The following INPP4B variants were observed in gnomAD, a reference collection of about 807,000 sequenced individuals.
The protein encoded by INPP4B is inositol polyphosphate-4-phosphatase type II B.
INPP4B carries 55 observed loss-of-function variants against 122.5 expected under a neutral mutation model. That is an observed-to-expected ratio of 0.45 (90% CI 0.36 to 0.56). INPP4B has a LOEUF of 0.56. INPP4B is among the 20% of genes least tolerant of loss of function. INPP4B has a pLI of 0.00. For missense variants in INPP4B, 1,000 were observed against 1,097.7 expected, an observed-to-expected ratio of 0.91 and a Z score of 1.26; for synonymous variants, 403 against 388.7, an observed-to-expected ratio of 1.04 and a Z score of -0.43.
intron 1 of INPP4B, among the ~76,000 whole-genome samples, chr4:142,842,527 T>C (rs1483346942): frequency 8.5e-6 from 1 of 117,652 alleles, no homozygotes; most frequent in Non-Finnish European, 1.8e-5. Context: ...ACATATATTA[T>C]ATTATAATAT....
intron 1 of INPP4B, among the ~76,000 whole-genome samples, chr4:142,781,751 C>A (rs1334050763): frequency 6.6e-6 from 1 of 151,914 alleles, no homozygotes; most frequent in Non-Finnish European, 1.5e-5. Flanking sequence ...AAGGTGTGTG[C>A]CACTGATACT....
intron 10 of INPP4B, among the ~76,000 whole-genome samples, chr4:142,263,774 C>A (rs1741435547): frequency 6.7e-6 from 1 of 148,796 alleles, no homozygotes; most frequent in South Asian, 2.1e-4. Flanking sequence ...GATAGGGTTG[C>A]AGGAAAGGCT....
chr4:142,238,287 A>C (rs1857550572), intron 11 of INPP4B, among the ~76,000 whole-genome samples: 1 of 151,998 alleles, frequency 6.6e-6, no homozygotes, highest in South Asian at 2.1e-4. Context: ...ATTATACATC[A>C]AACTCCAAAT....
At chr4:142,278,978 G>T (rs1438135502) in intron 9 of INPP4B, among the ~76,000 whole-genome samples, 2 of 151,734 alleles carry the variant, frequency 1.3e-5, no homozygotes, top group African/African-American at 2.4e-5. Flanking sequence ...GAAACCACAG[G>T]TTTCACAGGA....
At chr4:142,787,893 G>C (rs1561069579) in intron 1 of INPP4B, among the ~76,000 whole-genome samples, 1 of 151,506 alleles carries the variant, frequency 6.6e-6, no homozygotes, top group South Asian at 2.1e-4. Flanking sequence ...TCAGAAAATA[G>C]GTCACCGAGA....
At chr4:142,656,210 C>G (rs1230683959) in intron 2 of INPP4B, among the ~76,000 whole-genome samples, 1 of 152,160 alleles carries the variant, frequency 6.6e-6, no homozygotes, top group African/African-American at 2.4e-5. Flanking sequence ...CCAGTTTGCC[C>G]ACTTTTCTCC....
chr4:142,255,630 G>A (rs558196423), intron 11 of INPP4B, among the ~76,000 whole-genome samples: 1 of 152,248 alleles, frequency 6.6e-6, no homozygotes, highest in East Asian at 1.9e-4. Context: ...ATGGTAAATG[G>A]ATCAATTCAT....
chr4:142,527,001 T>C lies in INPP4B; in HGVS notation c.-190-64275A>G, dbSNP rs149673036. On this transcript the variant is annotated intron_variant, in intron 2 of 25. Transcript: ENST00000262992. ...CACAATACAATCAATTTACTTGTAT[T>C]ATTTAATTCATCTACAACCACAGCT... is the stretch of plus-strand genomic sequence containing the variant. Among the ~76,000 whole-genome samples the C allele has an allele frequency of 7.9e-5, 12 of 152,154 alleles. No homozygotes were observed. The East Asian group carries it at 2.3e-3, about 29-fold the overall frequency.
At chr4:142,563,049 A>G (rs962083615) in intron 2 of INPP4B, among the ~76,000 whole-genome samples, 1 of 152,212 alleles carries the variant, frequency 6.6e-6, no homozygotes, top group Non-Finnish European at 1.5e-5. Context: ...TGTGCCTTTA[A>G]AGACAGCTGT....
intron 1 of INPP4B, among the ~76,000 whole-genome samples, chr4:142,733,886 T>C (rs898770015): frequency 3.9e-5 from 6 of 152,176 alleles, no homozygotes; most frequent in Non-Finnish European, 8.8e-5. Context: ...TAAGATATAT[T>C]CATACAATGA....
intron 9 of INPP4B, among the ~76,000 whole-genome samples, chr4:142,294,258 A>G (rs575303562): frequency 1.3e-5 from 2 of 152,298 alleles, no homozygotes; most frequent in Non-Finnish European, 2.9e-5. Context: ...AAAAATGATG[A>G]CCTTCTAATG....
intron 1 of INPP4B, among the ~76,000 whole-genome samples, chr4:142,844,691 C>T (rs1783970109): frequency 6.6e-6 from 1 of 152,232 alleles, no homozygotes; most frequent in African/African-American, 2.4e-5. Context: ...CCTTGCTTTA[C>T]TCAACTTCTT....
intron 2 of INPP4B, among the ~76,000 whole-genome samples, chr4:142,592,978 C>T (rs1737844789): frequency 6.6e-6 from 1 of 151,862 alleles, no homozygotes; most frequent in Non-Finnish European, 1.5e-5. Context: ...GTGGTGCATG[C>T]CTGTTCTCTC....
chr4:142,680,593 T>A (rs1435938322), intron 2 of INPP4B, among the ~76,000 whole-genome samples: 1 of 151,944 alleles, frequency 6.6e-6, no homozygotes, highest in Non-Finnish European at 1.5e-5. Context: ...AATTTAAGCC[T>A]CTTTAGTTAA....
chr4:142,180,708 T>A (rs1224962261), intron 15 of INPP4B, among the ~76,000 whole-genome samples: 1 of 152,232 alleles, frequency 6.6e-6, no homozygotes. Flanking sequence ...GAACTCCTAA[T>A]TATGTTTTAC....
At chr4:142,722,563 A>C (rs2150846869) in intron 2 of INPP4B, among the ~76,000 whole-genome samples, 1 of 152,258 alleles carries the variant, frequency 6.6e-6, no homozygotes, top group East Asian at 1.9e-4. Context: ...CTTTTTGCAA[A>C]TGAAAAAAAT....
chr4:142,817,123 A>T (rs1780205806), intron 1 of INPP4B, among the ~76,000 whole-genome samples: 1 of 152,198 alleles, frequency 6.6e-6, no homozygotes, highest in African/African-American at 2.4e-5. Flanking sequence ...ATAAAAAATT[A>T]TAAAGGACAT....
In INPP4B at chr4:142,489,508, C is replaced by T. The variant is rs111982348; in HGVS notation, c.-190-26782G>A. On this transcript the variant is annotated intron_variant, in intron 2 of 25. Transcript: ENST00000262992. Reference sequence around the variant, plus strand: ...TCCTGGGTTCAGGCAATTCTCATGCCTCAGCCTCCTGAGTAGCTGGAATTA... The same window carrying T: ...TCCTGGGTTCAGGCAATTCTCATGCTTCAGCCTCCTGAGTAGCTGGAATTA... Among the ~76,000 whole-genome samples the T allele has an allele frequency of 7.2e-3, 1,089 of 152,286 alleles. 15 individuals carry two copies. The highest frequency in any genetic ancestry group is 0.025 in the African/African-American group (1,031 of 41,558).
chr4:142,564,775 T>C (rs1731270303), intron 2 of INPP4B, among the ~76,000 whole-genome samples: 1 of 152,080 alleles, frequency 6.6e-6, no homozygotes, highest in Non-Finnish European at 1.5e-5. Flanking sequence ...AAAATATTAC[T>C]GTAGGGAATG....
Sources: gnomAD v4.1 joint callset for allele counts (sites outside exome capture counted in the v4.1 genomes callset) on GRCh38, gnomAD v4.1.1 for gene constraint, MANE v1.5 for transcripts, NCBI Gene and HGNC (gene_info 2026-07-23, HGNC 2026-07-21) for gene names.